Variants in NDUFS8 observed in about 807,000 individuals in gnomAD.
NDUFS8 encodes NADH dehydrogenase [ubiquinone] iron-sulfur protein 8, mitochondrial.
In NDUFS8, 13 loss-of-function variants were observed where a neutral mutation model predicts 25.6. The observed-to-expected ratio is 0.51, with a 90% confidence interval of 0.33 to 0.81. The LOEUF is 0.81. NDUFS8 is among the 30% of genes least tolerant of loss of function. NDUFS8 has a pLI of 0.02. For synonymous variants in NDUFS8, 119 were observed against 119.4 expected, an observed-to-expected ratio of 1.00 and a Z score of 0.02; for missense variants, 257 against 300.9, an observed-to-expected ratio of 0.85 and a Z score of 1.08.
chr11:68,032,719 A>G (rs1446395536), intron 3 of NDUFS8: 4 of 772,522 alleles, frequency 5.2e-6, no homozygotes, highest in Non-Finnish European at 2.1e-6. Flanking sequence ...ACCCAAGCAC[A>G]GGGAGAGGTA....
chr11:68,033,427 A>G (rs1854813032), intron 5 of NDUFS8, 144 bp downstream of exon 5: 1 of 961,692 alleles, frequency 1.0e-6, no homozygotes, highest in Admixed American at 2.0e-5. Context: ...TTCCCTCGTG[A>G]ATGGGAATGA....
intron 1 of NDUFS8, chr11:68,031,109 C>A: frequency 3.6e-6 from 1 of 276,634 alleles, no homozygotes; most frequent in Non-Finnish European, 7.3e-6. Context: ...TGTACGGGCT[C>A]CCCTAATTCC....
intron 5 of NDUFS8, 129 bp from the exon 6 acceptor site, chr11:68,036,124 G>T: frequency 3.4e-6 from 5 of 1,488,086 alleles, no homozygotes; most frequent in Non-Finnish European, 3.7e-6. Flanking sequence ...CTCTTAGCCG[G>T]AGTCCAGGAG....
chr11:68,031,243 A>T (rs1179779906), intron 1 of NDUFS8: 1 of 189,540 alleles, frequency 5.3e-6, no homozygotes, highest in African/African-American at 2.4e-5. Context: ...TGGGGAAAGG[A>T]ATGTGGTACC....
chr11:68,032,789 G>A lies in NDUFS8; in HGVS notation c.110-134G>A, dbSNP rs1329851472. 10 of 930,148 alleles carry A rather than the reference G, an allele frequency of 1.1e-5. No homozygotes were observed. In the East Asian group the frequency reaches 2.6e-4, roughly 24 times the overall value. 57.6% of individuals were successfully genotyped at this position (930,148 alleles called of 1,614,324 possible). On this transcript the variant is annotated intron_variant, in intron 3 of 6. Transcript: ENST00000313468. Reference sequence around the variant, plus strand: ...GGGTCCTTGCTGAGGCTGGGGAGAGGTGTGGTGAGTGTACAGCCCCTTTGT... The same window carrying A: ...GGGTCCTTGCTGAGGCTGGGGAGAGATGTGGTGAGTGTACAGCCCCTTTGT...
Position 68,032,187 on chromosome 11 carries a change from C to T in NDUFS8, c.36C>T (p.Ala12=). Residue 12 remains alanine, a synonymous_variant, in exon 2 of 7, where the codon GCC becomes GCT. Coordinates refer to ENST00000313468, the MANE Select transcript of NDUFS8 (RefSeq NM_002496.4). ...TGACCACGCCTATGCTGCTGCGGGC[C>T]CTGGCCCAGGCTGCACGTGCAGGTA... The part of the protein sequence containing the change: ...RCLTTPMLLR[A]LAQAARAGPP... 1 of 1,613,078 alleles carries T rather than the reference C, an allele frequency of 6.2e-7. No individual in the cohort carries two copies.
rs1590789922 is a variant in NDUFS8, at chr11:68,033,521, T to A, written c.372+238T>A. 1.0e-5 allele frequency: 6 copies of A among 594,556 alleles called. No individual in the cohort carries two copies. The East Asian group carries it at 1.8e-4, about 18-fold the overall frequency. 36.8% of individuals were successfully genotyped at this position (594,556 alleles called of 1,614,324 possible). On this transcript the variant is annotated intron_variant, in intron 5 of 6. Transcript: ENST00000313468. ...TGGGCAGGCGCCTGACACACAGAGG[T>A]TCCCCCTTGGGGTCTGGCCAAGGGT...
intron 3 of NDUFS8, 111 bp from the exon 4 acceptor site, chr11:68,032,812 T>A: frequency 9.1e-7 from 1 of 1,095,412 alleles, no homozygotes; most frequent in Non-Finnish European, 1.4e-6. Context: ...ACAGCCCCTT[T>A]GTAGCCCAGC....
chr11:68,032,010 T>A (rs1056510852), intron 1 of NDUFS8, 142 bp from the exon 2 acceptor site: 6 of 1,225,352 alleles, frequency 4.9e-6, no homozygotes, highest in Non-Finnish European at 7.2e-6. Context: ...AGGAAAGCCA[T>A]CTGTGCCTCT....
rs565549515 is a variant in NDUFS8 at position 68,030,929 on chromosome 11, C to G, written c.-1+196C>G. 8 of 431,576 alleles carry G rather than the reference C, an allele frequency of 1.9e-5. No homozygotes were observed. In the Admixed American group the frequency reaches 2.0e-4, roughly 11 times the overall value. The allele number at this position is 431,576 out of a possible 1,614,324, so 26.7% of individuals were successfully genotyped here. A position where few individuals can be genotyped will look rare whatever the true frequency, so the allele number is the denominator to read the frequency against. On this transcript the variant is annotated intron_variant, in intron 1 of 6. Transcript: ENST00000313468. ...CGCATGCGCCGCCCGCTCTGCGCCACCGGCCTAGTTAGGGTCGGAGATCAC... is the reference window on the plus strand; with the variant it reads ...CGCATGCGCCGCCCGCTCTGCGCCAGCGGCCTAGTTAGGGTCGGAGATCAC...
chr11:68,031,718 T>C, intron 1 of NDUFS8: 2 of 329,054 alleles, frequency 6.1e-6, no homozygotes, highest in South Asian at 2.5e-5. Context: ...CTTGTAAGGA[T>C]AGGATGGCAG....
In NDUFS8 at chr11:68,033,262, C is replaced by T. The variant is rs757441819; in HGVS notation, c.351C>T (p.Cys117=). 3.1e-6 allele frequency: 5 copies of T among 1,607,752 alleles called. No individual in the cohort carries two copies. The highest frequency in any genetic ancestry group is 1.1e-5 in the South Asian group (1 of 90,424). The stretch of plus-strand genomic sequence containing the variant: ...AGCGTTGCATTGCCTGCAAGCTCTG[C>T]GAGGCCATCTGCCCCGCCCAGGTGA... ...GEERCIACKL[C]EAICPAQAIT... is the part of the protein sequence containing the mutation. The change falls in exon 5 of 7, where the codon TGC becomes TGT. Residue 117 remains cysteine (C), a synonymous_variant. Coordinates refer to ENST00000313468, the MANE Select transcript of NDUFS8 (RefSeq NM_002496.4).
rs769994523 is a variant in NDUFS8, at chr11:68,032,248, C to T, written c.59-38C>T. 9.9e-6 allele frequency: 16 copies of T among 1,613,746 alleles called. No homozygotes were observed. The South Asian group carries it at 1.6e-4, about 17-fold the overall frequency. On this transcript the variant is annotated intron_variant, in intron 2 of 6. Coordinates refer to ENST00000313468, the MANE Select transcript of NDUFS8 (RefSeq NM_002496.4). The stretch of plus-strand genomic sequence containing the variant: ...AGCCTTTGCTGGGGGTAGGGGAGTC[C>T]AGTCTCCTGGTATGACGTCACGCCC...
At chr11:68,034,640 C>T (rs1360547284) in intron 5 of NDUFS8, 1 of 151,554 alleles carries the variant, frequency 6.6e-6, no homozygotes, top group African/African-American at 2.4e-5. Context: ...TAGTGAAACC[C>T]CGTCTCTACT....
chr11:68,034,715 G>C (rs1854846857), intron 5 of NDUFS8: 1 of 150,482 alleles, frequency 6.6e-6, no homozygotes, highest in Non-Finnish European at 1.5e-5. Context: ...TTGCTAGGCT[G>C]AGGCACGATA....
intron 5 of NDUFS8, chr11:68,035,895 T>G: frequency 2.7e-6 from 1 of 369,802 alleles, no homozygotes; most frequent in South Asian, 2.0e-5. Flanking sequence ...GATGCACACT[T>G]GTAGTCCCAG....
At chr11:68,032,596 T>C in intron 3 of NDUFS8, 1 of 1,281,706 alleles carries the variant, frequency 7.8e-7, no homozygotes, top group Non-Finnish European at 1.0e-6. Context: ...CATGGGTACC[T>C]GTGCCTATTG....
chr11:68,035,594 G>A (rs945703337), intron 5 of NDUFS8: 3 of 321,954 alleles, frequency 9.3e-6, no homozygotes. Context: ...GCTTGGTGAG[G>A]CGAGGCGGGA....
chr11:68,036,443 C>T lies in NDUFS8; in HGVS notation c.502-19C>T. ...TCCTCAGCAGGGCCTAACCACCGTCCCTGCACCTCAACCTGCAGGGCCCCA... is the reference window on the plus strand; with the variant it reads ...TCCTCAGCAGGGCCTAACCACCGTCTCTGCACCTCAACCTGCAGGGCCCCA... On this transcript the variant is annotated intron_variant, in intron 6 of 6. Coordinates refer to ENST00000313468, the MANE Select transcript of NDUFS8 (RefSeq NM_002496.4). 1 of 1,613,968 alleles carries T rather than the reference C, an allele frequency of 6.2e-7. No homozygotes were observed.
Sources: gnomAD v4.1 joint callset for allele counts on GRCh38, gnomAD v4.1.1 for gene constraint, MANE v1.5 for transcripts, NCBI Gene and HGNC (gene_info 2026-07-23, HGNC 2026-07-21) for gene names.